Variants in AFF2 observed in about 807,000 individuals in gnomAD.
AFF2 encodes the protein AF4/FMR2 family member 2.
A neutral mutation model predicts 76.9 loss-of-function variants in AFF2; 14 were observed. That is an observed-to-expected ratio of 0.18 (90% CI 0.12 to 0.28). The LOEUF (loss-of-function observed/expected upper bound fraction) is 0.28. Ranked by LOEUF, AFF2 falls within the 10% of genes least tolerant of loss-of-function variation. The pLI is 1.00. For synonymous variants in AFF2, 398 were observed against 366.7 expected, an observed-to-expected ratio of 1.09 and a Z score of -0.98; for missense variants, 868 against 1,001.1, an observed-to-expected ratio of 0.87 and a Z score of 1.79.
At chrX:148,516,047 T>C (rs2052530989) in intron 1 of AFF2, among the ~76,000 whole-genome samples, 1 of 112,107 alleles carries the variant, frequency 8.9e-6, no homozygotes, top group African/African-American at 3.2e-5. Flanking sequence ...AGCCCTTGGT[T>C]GCAGTTCTGC....
chrX:148,898,412 A>C (rs905100466), intron 8 of AFF2, among the ~76,000 whole-genome samples: 3 of 112,468 alleles, frequency 2.7e-5, no homozygotes, highest in Non-Finnish European at 5.6e-5. Flanking sequence ...AAATAGATTT[A>C]GAATAGGGAG....
chrX:148,766,726 C>T (rs1484543760), intron 3 of AFF2, among the ~76,000 whole-genome samples: 6 of 111,015 alleles, frequency 5.4e-5, no homozygotes, highest in Non-Finnish European at 9.4e-5. Flanking sequence ...CCCATTTGAA[C>T]GTCTTTATAA....
intron 3 of AFF2, among the ~76,000 whole-genome samples, chrX:148,785,257 G>T (rs190232665): frequency 8.9e-6 from 1 of 111,778 alleles, no homozygotes; most frequent in African/African-American, 3.3e-5. Flanking sequence ...ATCTTTCTCT[G>T]TCATCCATAT....
chrX:148,598,746 C>T (rs782355737), intron 1 of AFF2, among the ~76,000 whole-genome samples: 5 of 112,350 alleles, frequency 4.5e-5, no homozygotes, highest in Non-Finnish European at 9.4e-5. Flanking sequence ...TTTGGCTACC[C>T]TGGCTGTGTA....
intron 3 of AFF2, among the ~76,000 whole-genome samples, chrX:148,711,583 T>A (rs1185629960): frequency 2.7e-5 from 3 of 112,466 alleles, no homozygotes; most frequent in African/African-American, 9.7e-5. Flanking sequence ...TAACCATGCC[T>A]GCTCTAAAAC....
chrX:148,655,490 G>T (rs1408780880), intron 2 of AFF2, among the ~76,000 whole-genome samples: 2 of 110,825 alleles, frequency 1.8e-5, no homozygotes, highest in African/African-American at 6.6e-5. Context: ...TGGCAAGGCT[G>T]GTCTCAAACT....
At chrX:148,870,746 G>A (rs895818298) in intron 7 of AFF2, among the ~76,000 whole-genome samples, 1 of 112,055 alleles carries the variant, frequency 8.9e-6, no homozygotes. Flanking sequence ...TGATAGGTGG[G>A]CTATTAAAAA....
intron 3 of AFF2, among the ~76,000 whole-genome samples, chrX:148,723,248 C>G (rs1557263966): frequency 1.8e-5 from 2 of 111,879 alleles, no homozygotes; most frequent in African/African-American, 3.3e-5. Context: ...CTGGGAGTTA[C>G]CTCTGAGATG....
intron 1 of AFF2, among the ~76,000 whole-genome samples, chrX:148,542,221 C>T (rs1297545075): frequency 1.8e-5 from 2 of 109,448 alleles, no homozygotes; most frequent in African/African-American, 3.3e-5. Flanking sequence ...ACTTATAAAA[C>T]GTTTAGCTCA....
At chrX:148,699,045 T>C (rs1557261585) in intron 3 of AFF2, among the ~76,000 whole-genome samples, 1 of 111,918 alleles carries the variant, frequency 8.9e-6, no homozygotes, top group African/African-American at 3.2e-5. Context: ...TAAATCTATA[T>C]GATGCTATTG....
intron 1 of AFF2, among the ~76,000 whole-genome samples, chrX:148,615,206 G>A (rs73618387): frequency 0.17 from 19,326 of 111,082 alleles, 1,236 homozygotes; most frequent in Non-Finnish European, 0.2. Flanking sequence ...AAAACAAAGT[G>A]AAGAGGGTAA....
intron 1 of AFF2, among the ~76,000 whole-genome samples, chrX:148,560,398 A>C (rs1052756310): frequency 1.2e-4 from 13 of 112,134 alleles, no homozygotes; most frequent in African/African-American, 3.9e-4. Context: ...TGGATTAAAG[A>C]CTTAAACGTA....
chrX:148,676,248 C>T (rs193258299), intron 3 of AFF2, among the ~76,000 whole-genome samples: 52 of 108,270 alleles, frequency 4.8e-4, no homozygotes, highest in African/African-American at 1.6e-3. Flanking sequence ...TTAGTAGAGA[C>T]GGGGTTTCAC....
rs1342424207 is a variant in AFF2, at chrX:148,747,758, C to T, written c.1042-62118C>T. 3.6e-5 allele frequency among the ~76,000 whole-genome samples: 4 copies of T among 111,884 alleles called. No homozygotes were observed. The Admixed American group carries it at 3.8e-4, about 11-fold the overall frequency. The stretch of plus-strand genomic sequence containing the variant: ...ACCTAATGTTTCAGAGCTTCATATT[C>T]TACTATAATTATATGGTTCAATGCA... On this transcript the variant is annotated intron_variant, in intron 3 of 20. Transcript: ENST00000370460.
intron 7 of AFF2, among the ~76,000 whole-genome samples, chrX:148,857,800 A>G (rs1557276056): frequency 2.7e-5 from 3 of 111,521 alleles, no homozygotes; most frequent in African/African-American, 9.7e-5. Context: ...ATTATAGAAT[A>G]ATAGGAGGTG....
chrX:148,647,517 C>T (rs908627289), intron 1 of AFF2, among the ~76,000 whole-genome samples: 3 of 111,451 alleles, frequency 2.7e-5, no homozygotes, highest in Admixed American at 9.5e-5. Context: ...AGGGTCTGTA[C>T]ATTTTGATAT....
At chrX:148,512,104 A>G (rs1458332553) in intron 1 of AFF2, among the ~76,000 whole-genome samples, 1 of 111,751 alleles carries the variant, frequency 8.9e-6, no homozygotes, top group Non-Finnish European at 1.9e-5. Context: ...ATTGGGTCTC[A>G]TAATCAGAAA....
intron 3 of AFF2, among the ~76,000 whole-genome samples, chrX:148,734,836 G>A (rs139037551): frequency 7.4e-4 from 82 of 111,402 alleles, no homozygotes; most frequent in Non-Finnish European, 9.2e-4. Flanking sequence ...GAGTATGTAC[G>A]GAGACACAGG....
chrX:148,518,801 A>T (rs1354429209), intron 1 of AFF2, among the ~76,000 whole-genome samples: 3 of 112,089 alleles, frequency 2.7e-5, no homozygotes, highest in Non-Finnish European at 5.6e-5. Flanking sequence ...CAAGCTTGAA[A>T]TTGTTGGAAA....
Sources: allele counts gnomAD v4.1 joint callset (sites outside exome capture counted in the v4.1 genomes callset), GRCh38; gene constraint gnomAD v4.1.1; transcripts MANE v1.5; gene names NCBI Gene and HGNC (gene_info 2026-07-23, HGNC 2026-07-21).